The following ZNF44 variants were observed in gnomAD, a reference collection of about 807,000 sequenced individuals.
The protein encoded by ZNF44 is gonadotropin inducible transcription repressor-2.
Under a neutral mutation model 11.7 loss-of-function variants are expected in ZNF44, and 9 were observed. The observed-to-expected ratio is 0.77, with a 90% CI of 0.46 to 1.35. The LOEUF (loss-of-function observed/expected upper bound fraction) is 1.35, where lower values mean the gene tolerates loss of function less well. Ranked by LOEUF, ZNF44 falls within the 40% of genes most tolerant of loss-of-function variation. The pLI, the probability that ZNF44 is intolerant of heterozygous loss-of-function variation, is 0.00. For missense variants in ZNF44, 696 were observed against 743.1 expected (o/e 0.94, Z 0.74); for synonymous variants, 224 against 242.7 (o/e 0.92, Z 0.72).
intron 5 of ZNF44, chr19:12,266,428 C>T (rs920769680): frequency 1.3e-6 from 1 of 765,414 alleles, no homozygotes; most frequent in Non-Finnish European, 1.6e-6. Context: ...GGAAAAAAAA[C>T]CCAAACCCAC....
At chr19:12,227,613 A>T (rs907120478) in intron 3 of ZNF44, among the ~76,000 whole-genome samples, 1 of 152,240 alleles carries the variant, frequency 6.6e-6, no homozygotes, top group African/African-American at 2.4e-5. Context: ...TCTCAGAAAA[A>T]AAGTTTTAGA....
At chr19:12,237,206 G>C (rs2459012) in intron 1 of ZNF44, 1 of 152,254 alleles carries the variant, frequency 6.6e-6, no homozygotes, top group Non-Finnish European at 1.5e-5. Context: ...GGGGAGACGC[G>C]GGGCCGCGGG....
chr19:12,293,322 A>G, intron 1 of ZNF44: 1 of 1,536,996 alleles, frequency 6.5e-7, no homozygotes, highest in Non-Finnish European at 8.7e-7. Flanking sequence ...CCTCCATGAG[A>G]TTGGCAGCTT....
chr19:12,231,652 G>A (rs966605920), intron 2 of ZNF44, among the ~76,000 whole-genome samples: 1 of 152,180 alleles, frequency 6.6e-6, no homozygotes, highest in Non-Finnish European at 1.5e-5. Flanking sequence ...TGCCTGCACT[G>A]TAGGCCAGCT....
chr19:12,253,199 T>C (rs1473978166), intron 5 of ZNF44, among the ~76,000 whole-genome samples: 3 of 149,430 alleles, frequency 2.0e-5, no homozygotes, highest in Admixed American at 6.7e-5. Context: ...TTTTTTTTTT[T>C]TTTTTTTTGA....
chr19:12,276,093 C>T lies in ZNF44; in HGVS notation c.4-11G>A. ...AAAGGCCACTGAGTCCTGAAACATC[C>T]CATATGTCCAGAAAAGGAAGGTTGA... On this transcript the variant is annotated splice_polypyrimidine_tract_variant and intron_variant, in intron 1 of 3. Transcript: ENST00000355684. 6.3e-7 allele frequency: 1 copy of T among 1,598,864 alleles called. No individual in the cohort carries two copies. The highest frequency in any genetic ancestry group is 8.5e-7 in the Non-Finnish European group (1 of 1,170,020).
At position 12,288,774 on chromosome 19, in the gene ZNF44, GTATATATATA is replaced by G. The variant is rs55971577; in HGVS notation, c.3+5908_3+5917del. Among the ~76,000 whole-genome samples the G allele has an allele frequency of 3.6e-3, 277 of 76,818 alleles. 17 individuals carry two copies. The highest frequency in any genetic ancestry group is 0.021 in the African/African-American group (231 of 11,064). The allele number at this position is 76,818 out of a possible 152,430, so 50.4% of individuals were successfully genotyped here. A position where few individuals can be genotyped will look rare whatever the true frequency, so the allele number is the denominator to read the frequency against. On this transcript the variant is annotated intron_variant, in intron 1 of 3. Transcript: ENST00000355684. ...CTCCGTCTCAAAAAAAAAAAAAAAT[GTATATATATA>G]TATATATATATATATATATATGAAA...
In ZNF44 at chr19:12,272,673, C is replaced by T. The variant is rs758377429; in HGVS notation, c.1582G>A (p.Ala528Thr). 37 of 1,613,674 alleles carry T rather than the reference C, an allele frequency of 2.3e-5. No individual in the cohort carries two copies. The highest frequency in any genetic ancestry group is 1.6e-4 in the Middle Eastern group (1 of 6,076). Residue 528 changes from alanine (A) to threonine (T), a missense_variant, in exon 4 of 4, where the codon GCA becomes ACA. By Grantham distance (58) the Ala-to-Thr change is moderately conservative. Transcript: ENST00000355684. ...YLKTHERTHT[A>T]EKPYECKQCR... ...TGCTTACATTCATATGGCTTCTCTG[C>T]CGTGTGAGTCCTTTCATGAGTTTTT...
chr19:12,231,468 A>T (rs936001730), intron 2 of ZNF44, among the ~76,000 whole-genome samples: 3 of 152,206 alleles, frequency 2.0e-5, no homozygotes, highest in African/African-American at 7.2e-5. Flanking sequence ...TTGAGGTGGA[A>T]GAGAAGCAAG....
At chr19:12,257,477 C>A (rs1486160482) in intron 5 of ZNF44, among the ~76,000 whole-genome samples, 1 of 151,746 alleles carries the variant, frequency 6.6e-6, no homozygotes, top group Admixed American at 6.6e-5. Flanking sequence ...TGGTGAAACC[C>A]CGTCTTTACT....
chr19:12,284,355 G>A, intron 1 of ZNF44: 3 of 552,784 alleles, frequency 5.4e-6, no homozygotes, highest in Non-Finnish European at 9.9e-6. Context: ...TGACGCAGGT[G>A]CAGCGCGGGG....
intron 1 of ZNF44, among the ~76,000 whole-genome samples, chr19:12,283,631 A>C (rs764663080): frequency 3.7e-4 from 56 of 152,200 alleles, no homozygotes; most frequent in Non-Finnish European, 6.5e-4. Flanking sequence ...GCCCAGCCAG[A>C]AAAAATGTTT....
chr19:12,253,096 G>C (rs1917087357), intron 5 of ZNF44, among the ~76,000 whole-genome samples: 1 of 151,112 alleles, frequency 6.6e-6, no homozygotes, highest in African/African-American at 2.4e-5. Flanking sequence ...GTTTACGTTG[G>C]CCAGCTAGTC....
chr19:12,225,963 A>AATT (rs1915899099), downstream of ZNF44, among the ~76,000 whole-genome samples: 1 of 152,220 alleles, frequency 6.6e-6, no homozygotes, highest in South Asian at 2.1e-4. Flanking sequence ...TAGCCAGAAA[A>AATT]ATTAGAATTT....
downstream of ZNF44, among the ~76,000 whole-genome samples, chr19:12,243,444 A>C (rs1203523239): frequency 6.6e-6 from 1 of 152,164 alleles, no homozygotes; most frequent in Non-Finnish European, 1.5e-5. Context: ...GTATTTGCCT[A>C]TGTCTGCCTT....
chr19:12,275,363 T>C (rs980955417), intron 2 of ZNF44, among the ~76,000 whole-genome samples: 26 of 152,054 alleles, frequency 1.7e-4, no homozygotes, highest in African/African-American at 6.0e-4. Flanking sequence ...ATTTACTTTC[T>C]CTAGGCCGGG....
At chr19:12,268,080 G>T (rs963758535), downstream of ZNF44, among the ~76,000 whole-genome samples, 1 of 150,288 alleles carries the variant, frequency 6.7e-6, no homozygotes. Flanking sequence ...CAGGTGATCC[G>T]CCTGCCTCGG....
At chr19:12,275,109 T>A in intron 2 of ZNF44, 76 bp from the exon 3 acceptor site, 1 of 1,061,734 alleles carries the variant, frequency 9.4e-7, no homozygotes, top group Non-Finnish European at 1.3e-6. Flanking sequence ...TTATGTACAC[T>A]ACAATCATGT....
intron 1 of ZNF44, among the ~76,000 whole-genome samples, chr19:12,288,482 AC>A (rs1286235699): frequency 6.6e-6 from 1 of 151,854 alleles, no homozygotes; most frequent in Non-Finnish European, 1.5e-5. Flanking sequence ...AGTGGCTCAC[AC>A]CTATAATCCC....
Sources: gnomAD v4.1 joint callset for allele counts (sites outside exome capture counted in the v4.1 genomes callset) on GRCh38, gnomAD v4.1.1 for gene constraint, MANE v1.5 for transcripts, NCBI Gene and HGNC (gene_info 2026-07-23, HGNC 2026-07-21) for gene names.